Variants in ATP9B observed in about 807,000 individuals in gnomAD.
The protein encoded by ATP9B is ATPase phospholipid transporting 9B.
Under a neutral mutation model 146.1 loss-of-function variants are expected in ATP9B, and 110 were observed. The ratio of observed to expected loss-of-function variants is 0.75; its 90% CI spans 0.65 to 0.88. ATP9B has a LOEUF of 0.88. Ranked by LOEUF, ATP9B falls within the 40% of genes least tolerant of loss-of-function variation. The pLI is 0.00. For synonymous variants in ATP9B, 604 were observed against 569.7 expected, an observed-to-expected ratio of 1.06 and a Z score of -0.86; for missense variants, 1,499 against 1,496.4, an observed-to-expected ratio of 1.00 and a Z score of -0.03.
chr18:79,117,054 T>C (rs561298859), intron 4 of ATP9B, among the ~76,000 whole-genome samples: 16 of 152,274 alleles, frequency 1.1e-4, no homozygotes, highest in African/African-American at 2.9e-4. Flanking sequence ...CCATATCCTG[T>C]GTACTTGTTG....
intron 7 of ATP9B, among the ~76,000 whole-genome samples, chr18:79,166,851 C>T (rs912627742): frequency 3.9e-5 from 6 of 152,094 alleles, no homozygotes; most frequent in East Asian, 1.9e-4. Flanking sequence ...GCTGCCGGCC[C>T]GGATCCCACG....
chr18:79,330,189 T>C, intron 17 of ATP9B, 85 bp downstream of exon 17: 1 of 1,244,986 alleles, frequency 8.0e-7, no homozygotes, highest in South Asian at 1.2e-5. Context: ...TCACAGTGTT[T>C]CTATGAACTT....
At chr18:79,130,802 G>A (rs765213675) in intron 5 of ATP9B, among the ~76,000 whole-genome samples, 2 of 152,094 alleles carry the variant, frequency 1.3e-5, no homozygotes, top group Admixed American at 6.6e-5. Flanking sequence ...TTTTAAAATG[G>A]TGAGAGAGAG....
At position 79,377,470 on chromosome 18, in the gene ATP9B, C is replaced by G; in HGVS notation, c.*87C>G. 6.7e-7 allele frequency: 1 copy of G among 1,499,796 alleles called. No individual in the cohort carries two copies. Among genetic ancestry groups the G allele is most frequent in the South Asian group, 1.2e-5 (1 of 84,564 alleles). The allele number at this position is 1,499,796 out of a possible 1,614,324, so 92.9% of individuals were successfully genotyped here. On this transcript the variant is annotated 3_prime_UTR_variant, in exon 30 of 30. Transcript: ENST00000426216. Reference sequence around the variant, plus strand: ...CCTTGCCAGTGAACGCAGGGTTTGCCATTGCTACCAAGCAAGCACCACAAG... The same window carrying G: ...CCTTGCCAGTGAACGCAGGGTTTGCGATTGCTACCAAGCAAGCACCACAAG...
Position 79,105,111 on chromosome 18 carries a change from G to A in ATP9B, c.294-5244G>A, listed in dbSNP as rs576706440. Among the ~76,000 whole-genome samples, 3 of 152,306 alleles carry A rather than the reference G, an allele frequency of 2.0e-5. No homozygotes were observed. The South Asian group carries it at 6.2e-4, about 32-fold the overall frequency. On this transcript the variant is annotated intron_variant, in intron 2 of 29. Transcript: ENST00000426216. ...GTATTGTCATGCTGTTCTTATTCAG[G>A]AGATACCTGCTACACTGAGAAATCA...
intron 9 of ATP9B, among the ~76,000 whole-genome samples, chr18:79,203,971 A>T (rs140601525): frequency 1.0e-3 from 159 of 152,332 alleles, no homozygotes; most frequent in African/African-American, 3.7e-3. Flanking sequence ...TTTCAGTGCA[A>T]TCCTAAATTC....
At position 79,298,408 on chromosome 18, in the gene ATP9B, T is replaced by C. The variant is rs1304511256; in HGVS notation, c.1412-5196T>C. Among the ~76,000 whole-genome samples the C allele has an allele frequency of 6.2e-5, 9 of 146,102 alleles. 1 individual carries two copies. Among genetic ancestry groups the C allele is most frequent in the Non-Finnish European group, 3.0e-5 (2 of 66,054 alleles). ...ACTTAGCCGTGAATCTAATATAAAA[T>C]GAGTGGGCCTTGTGGGCTGCAAACT... On this transcript the variant is annotated intron_variant, in intron 13 of 29. Transcript: ENST00000426216.
At chr18:79,301,433 A>C (rs749304805) in intron 13 of ATP9B, among the ~76,000 whole-genome samples, 19 of 152,262 alleles carry the variant, frequency 1.2e-4, no homozygotes, top group Non-Finnish European at 1.9e-4. Flanking sequence ...CAGAGGTTGC[A>C]GTGAGCCAAG....
intron 7 of ATP9B, among the ~76,000 whole-genome samples, chr18:79,175,177 G>A (rs1195551206): frequency 1.9e-4 from 28 of 146,596 alleles, no homozygotes; most frequent in African/African-American, 6.9e-4. Context: ...CTCCAGCCTG[G>A]CGACAGAGCG....
intron 11 of ATP9B, among the ~76,000 whole-genome samples, chr18:79,214,356 A>G (rs974784180): frequency 5.3e-5 from 8 of 152,250 alleles, no homozygotes; most frequent in South Asian, 2.1e-4. Context: ...TTATTTTACA[A>G]TTTGCACTCT....
intron 7 of ATP9B, among the ~76,000 whole-genome samples, chr18:79,167,831 G>A (rs2094999275): frequency 6.6e-6 from 1 of 152,160 alleles, no homozygotes; most frequent in Admixed American, 6.5e-5. Context: ...GTTTCACAGG[G>A]GACCTGCCAA....
intron 8 of ATP9B, among the ~76,000 whole-genome samples, chr18:79,181,539 A>T (rs578190539): frequency 7.2e-5 from 11 of 152,330 alleles, no homozygotes; most frequent in Middle Eastern, 3.4e-3. Flanking sequence ...ATGACATGGG[A>T]ATATCAAGTG....
chr18:79,364,436 G>C (rs1220990591), intron 26 of ATP9B, among the ~76,000 whole-genome samples: 1 of 151,706 alleles, frequency 6.6e-6, no homozygotes, highest in Admixed American at 6.6e-5. Context: ...TACATCACAT[G>C]TGTCAGATGA....
chr18:79,077,807 G>T (rs1027842356), intron 1 of ATP9B, among the ~76,000 whole-genome samples: 14 of 152,174 alleles, frequency 9.2e-5, no homozygotes, highest in African/African-American at 3.4e-4. Context: ...ACTTTGAAAT[G>T]CCCAATCTGT....
intron 25 of ATP9B, chr18:79,352,609 A>G (rs1209582861): frequency 1.3e-5 from 2 of 152,198 alleles, no homozygotes; most frequent in African/African-American, 2.4e-5. Context: ...CAACAGCCAC[A>G]TGGCCTCGAA....
intron 25 of ATP9B, among the ~76,000 whole-genome samples, chr18:79,356,554 A>G (rs1210841390): frequency 6.6e-6 from 1 of 152,262 alleles, no homozygotes; most frequent in Non-Finnish European, 1.5e-5. Flanking sequence ...CAATAGAAAG[A>G]AATAAGCTAC....
At position 79,265,572 on chromosome 18, in the gene ATP9B, G is replaced by T. The variant is rs564094284; in HGVS notation, c.1269-11482G>T. ...TTTCTTGTAAATTTGTTTAAGTCCC[G>T]TTTAGGTGCTGGATATTAAACCTTT... is the stretch of plus-strand genomic sequence containing the variant. On this transcript the variant is annotated intron_variant, in intron 12 of 29. Transcript: ENST00000426216. Among the ~76,000 whole-genome samples the T allele has an allele frequency of 1.8e-3, 274 of 152,032 alleles. 1 individual carries two copies. Among genetic ancestry groups the T allele is most frequent in the African/African-American group, 6.1e-3 (252 of 41,478 alleles).
intron 26 of ATP9B, among the ~76,000 whole-genome samples, chr18:79,365,730 A>G (rs1052619170): frequency 6.6e-6 from 1 of 151,582 alleles, no homozygotes; most frequent in Non-Finnish European, 1.5e-5. Flanking sequence ...GGACGGGGAC[A>G]GCCCATGCGT....
intron 8 of ATP9B, among the ~76,000 whole-genome samples, chr18:79,180,356 A>G (rs1193419371): frequency 6.6e-6 from 1 of 152,078 alleles, no homozygotes. Context: ...CTAATTAGCT[A>G]TGTACGTTAG....
Sources: gnomAD v4.1 joint callset for allele counts (sites outside exome capture counted in the v4.1 genomes callset) on GRCh38, gnomAD v4.1.1 for gene constraint, MANE v1.5 for transcripts, NCBI Gene and HGNC (gene_info 2026-07-23, HGNC 2026-07-21) for gene names.